ZNF273: variants seen among roughly 807,000 people sequenced by gnomAD.
ZNF273 encodes the protein zinc finger protein 9.
In ZNF273, 11 loss-of-function variants were observed where a neutral mutation model predicts 14.9. That is an observed-to-expected ratio of 0.74 (90% CI 0.46 to 1.22). ZNF273 has a LOEUF of 1.22. Among genes scored for constraint, ZNF273 ranks in the 50% most tolerant of loss-of-function variants. The pLI is 0.00. For missense variants in ZNF273, 577 were observed against 660.6 expected, an observed-to-expected ratio of 0.87 and a Z score of 1.39; for synonymous variants, 199 against 223.9, an observed-to-expected ratio of 0.89 and a Z score of 0.99.
intron 1 of ZNF273, among the ~76,000 whole-genome samples, chr7:64,909,942 A>G (rs2129064618): frequency 6.6e-6 from 1 of 152,166 alleles, no homozygotes; most frequent in Non-Finnish European, 1.5e-5. Context: ...CTAATGATTA[A>G]TAATGAGCAT....
At chr7:64,905,003 A>T (rs1352136763) in intron 1 of ZNF273, among the ~76,000 whole-genome samples, 1 of 151,898 alleles carries the variant, frequency 6.6e-6, no homozygotes, top group Non-Finnish European at 1.5e-5. Flanking sequence ...TTTAGTGAAT[A>T]TCAGCTCCTG....
In ZNF273 at chr7:64,912,826, G is replaced by GTTTTTTT. The variant is rs71061324; in HGVS notation, c.103-4741_103-4735dup. ...TCTTTTTGACTCAGGATTCATTTTA[G>GTTTTTTT]TTTTTTTTTTTTTTTTTTTTGAGAT... On this transcript the variant is annotated intron_variant, in intron 1 of 3. Coordinates refer to ENST00000476120, the MANE Select transcript of ZNF273 (RefSeq NM_021148.3). 1.1e-3 allele frequency among the ~76,000 whole-genome samples: 42 copies of GTTTTTTT among 36,562 alleles called. 4 individuals are homozygous for GTTTTTTT. Among genetic ancestry groups the GTTTTTTT allele is most frequent in the South Asian group, 2.6e-3 (2 of 768 alleles). 24.0% of individuals were successfully genotyped at this position (36,562 alleles called of 152,430 possible).
chr7:64,917,570 G>A lies in ZNF273; in HGVS notation c.103-11G>A, dbSNP rs755836426. On this transcript the variant is annotated splice_polypyrimidine_tract_variant and intron_variant, in intron 1 of 3. Transcript: ENST00000476120. ...TTGGTAAATATGTTTTTGTGTGTGT[G>A]TGTTTTTCAGGGACCACTGACATTT... 1.3e-6 allele frequency: 2 copies of A among 1,590,870 alleles called. No homozygotes were observed. Among genetic ancestry groups the A allele is most frequent in the Non-Finnish European group, 1.7e-6 (2 of 1,165,396 alleles).
At chr7:64,922,892 GGATGTGGAGGCTGCAGTGAGCCAA>G (rs1794569944) in intron 3 of ZNF273, among the ~76,000 whole-genome samples, 1 of 152,162 alleles carries the variant, frequency 6.6e-6, no homozygotes, top group South Asian at 2.1e-4. Context: ...CTTGAGCTGA[GGATGTGGAGGCTGCAGTGAGCCAA>G]GATGGTGCTG....
intron 3 of ZNF273, among the ~76,000 whole-genome samples, chr7:64,927,144 G>C (rs1034040962): frequency 5.9e-5 from 9 of 152,174 alleles, no homozygotes; most frequent in African/African-American, 1.7e-4. Flanking sequence ...CCAGGCTGAA[G>C]TCCAATGGCG....
intron 1 of ZNF273, among the ~76,000 whole-genome samples, chr7:64,914,749 G>T (rs925344962): frequency 6.6e-6 from 1 of 152,078 alleles, no homozygotes; most frequent in Admixed American, 6.6e-5. Context: ...AAACGGGCGG[G>T]CTTTATCTGT....
intron 3 of ZNF273, chr7:64,924,394 C>G (rs1273765002): frequency 6.6e-6 from 1 of 152,050 alleles, no homozygotes; most frequent in Non-Finnish European, 1.5e-5. Context: ...TTGTTTTATT[C>G]TTACTATAGA....
chr7:64,887,176 T>TC (rs1362581764), intron 1 of ZNF273, among the ~76,000 whole-genome samples: 3 of 152,258 alleles, frequency 2.0e-5, no homozygotes, highest in Non-Finnish European at 4.4e-5. Flanking sequence ...GGTCTATCAT[T>TC]ATTTTCTGAT....
chr7:64,921,317 C>T (rs1036704456), intron 3 of ZNF273, among the ~76,000 whole-genome samples: 2 of 152,110 alleles, frequency 1.3e-5, no homozygotes, highest in Non-Finnish European at 2.9e-5. Context: ...CCACCTCAGC[C>T]TCACAAAGTG....
At chr7:64,900,027 TG>T (rs756656352), upstream of ZNF273, among the ~76,000 whole-genome samples, 292 of 152,230 alleles carry the variant, frequency 1.9e-3, 1 homozygote, top group Non-Finnish European at 3.3e-3. Context: ...CCCAAAGTGC[TG>T]GGATGAGCCA....
Position 64,927,827 on chromosome 7 carries a change from A to C in ZNF273, c.499A>C (p.Asn167His), listed in dbSNP as rs1403853637. The change falls in exon 4 of 4, where the codon AAC (asparagine) becomes CAC (histidine). Residue 167 changes from asparagine to histidine, a missense_variant. Physicochemically the swap from Asn to His is moderately conservative, Grantham distance 68 (BLOSUM62 1). Coordinates refer to ENST00000476120, the MANE Select transcript of ZNF273 (RefSeq NM_021148.3). ...GCACAAAAGAGGTTATAATGGACTT[A>C]ACCAATGTTTGACAACTACCCAGAG... is the stretch of plus-strand genomic sequence containing the variant. ...KVHKRGYNGLNQCLTTTQSKI... is the reference protein window; with the variant it reads ...KVHKRGYNGLHQCLTTTQSKI... 2 of 1,613,990 alleles carry C rather than the reference A, an allele frequency of 1.2e-6. No homozygotes were observed. The highest frequency in any genetic ancestry group is 2.2e-5 in the East Asian group (1 of 44,866).
At chr7:64,911,405 A>G (rs1036417198) in intron 1 of ZNF273, among the ~76,000 whole-genome samples, 2 of 151,792 alleles carry the variant, frequency 1.3e-5, no homozygotes, top group African/African-American at 2.4e-5. Flanking sequence ...CTGGGATTAC[A>G]GGCATGCGCC....
downstream of ZNF273, among the ~76,000 whole-genome samples, chr7:64,932,583 C>T (rs1309383606): frequency 6.6e-6 from 1 of 152,116 alleles, no homozygotes; most frequent in African/African-American, 2.4e-5. Flanking sequence ...GGATTACAGG[C>T]GCGAGCCACT....
exon 2 of ZNF273, chr7:64,888,708 AGGACAGCG>A (rs1791762704): frequency 5.1e-6 from 5 of 985,606 alleles, no homozygotes; most frequent in Non-Finnish European, 6.0e-6. Flanking sequence ...CGGCTCCTGG[AGGACAGCG>A]GGATGGGAGA....
At chr7:64,912,543 G>C (rs1793596314) in intron 1 of ZNF273, among the ~76,000 whole-genome samples, 1 of 151,954 alleles carries the variant, frequency 6.6e-6, no homozygotes, top group South Asian at 2.1e-4. Context: ...TGTGCCCAAG[G>C]CTACTCCTTA....
chr7:64,888,382 G>A (rs1247565601), intron 1 of ZNF273: 40 of 985,272 alleles, frequency 4.1e-5, no homozygotes, highest in Non-Finnish European at 4.8e-5. Context: ...AGATGAGAGG[G>A]AGAGAGAGCG....
In ZNF273 at chr7:64,927,818, A is replaced by G. The variant is rs765598256; in HGVS notation, c.490A>G (p.Asn164Asp). Residue 164 changes from asparagine to aspartate, a missense_variant, in exon 4 of 4, where the codon AAT becomes GAT. Asn to Asp is a conservative substitution (Grantham distance 23, BLOSUM62 1). Transcript: ENST00000476120. ...GCATAAGGTGCACAAAAGAGGTTAT[A>G]ATGGACTTAACCAATGTTTGACAAC... The part of the protein sequence containing the change: ...DEHKVHKRGY[N>D]GLNQCLTTTQ... The G allele has an allele frequency of 6.2e-7, 1 of 1,614,072 alleles. No individual in the cohort carries two copies. Among genetic ancestry groups the G allele is most frequent in the South Asian group, 1.1e-5 (1 of 91,056 alleles).
intron 1 of ZNF273, among the ~76,000 whole-genome samples, chr7:64,916,369 GT>G (rs368628395): frequency 0.08 from 10,857 of 135,052 alleles, 660 homozygotes; most frequent in African/African-American, 0.16. Context: ...TACTAAAAAT[GT>G]AAAAAAAAAA....
intron 3 of ZNF273, among the ~76,000 whole-genome samples, chr7:64,926,586 A>G (rs1794777241): frequency 6.6e-6 from 1 of 152,094 alleles, no homozygotes; most frequent in Non-Finnish European, 1.5e-5. Flanking sequence ...ATTCTTTAAT[A>G]GTTGCTTTCA....
Sources: gnomAD v4.1 joint callset for allele counts (sites outside exome capture counted in the v4.1 genomes callset) on GRCh38, gnomAD v4.1.1 for gene constraint, MANE v1.5 for transcripts, NCBI Gene and HGNC (gene_info 2026-07-23, HGNC 2026-07-21) for gene names.